GPD1L: variants seen among roughly 807,000 people sequenced by gnomAD.
The protein encoded by GPD1L is glycerol-3-phosphate dehydrogenase 1 like.
Under a neutral mutation model 32.9 loss-of-function variants are expected in GPD1L, and 17 were observed. The observed-to-expected ratio is 0.52, with a 90% CI of 0.35 to 0.78. The LOEUF (loss-of-function observed/expected upper bound fraction) is 0.78. GPD1L is among the 30% of genes least tolerant of loss of function. The pLI is 0.01. For missense variants in GPD1L, 361 were observed against 447.8 expected, an observed-to-expected ratio of 0.81 and a Z score of 1.75; for synonymous variants, 187 against 165.9, an observed-to-expected ratio of 1.13 and a Z score of -0.98.
chr3:32,139,446 CA>C lies in GPD1L; in HGVS notation c.366+720del, dbSNP rs377058212. Among the ~76,000 whole-genome samples, 5 of 152,310 alleles carry C rather than the reference CA, an allele frequency of 3.3e-5. No homozygotes were observed. The East Asian group carries it at 7.7e-4, about 23-fold the overall frequency. On this transcript the variant is annotated intron_variant, in intron 3 of 7. Transcript: ENST00000282541. ...TAAAACAGTGCATATATTACTTTAT[CA>C]TAAATTTGTTTTTTAAACAAATTTC...
In GPD1L at chr3:32,128,111, T is replaced by G. The variant is rs757329052; in HGVS notation, c.83T>G (p.Val28Gly). 1 of 1,613,300 alleles carries G rather than the reference T, an allele frequency of 6.2e-7. No homozygotes were observed. The highest frequency in any genetic ancestry group is 8.5e-7 in the Non-Finnish European group (1 of 1,179,220). Residue 28 changes from valine (V) to glycine (G), a missense_variant, in exon 2 of 8, where the codon GTC (valine) becomes GGC (glycine). Transcript: ENST00000282541. ...GTTGCAAAAATAATTGGTAATAATG[T>G]CAAGAAACTTCAGAAATTTGCCTCC... ...SAVAKIIGNN[V>G]KKLQKFASTV...
chr3:32,138,486 C>T, intron 2 of GPD1L, 101 bp from the exon 3 acceptor site: 1 of 1,071,424 alleles, frequency 9.3e-7, no homozygotes, highest in Non-Finnish European at 1.4e-6. Context: ...CAATGCTCTG[C>T]ACATAGTAGG....
chr3:32,144,163 C>T (rs1392239070), intron 4 of GPD1L, among the ~76,000 whole-genome samples: 1 of 152,108 alleles, frequency 6.6e-6, no homozygotes, highest in Non-Finnish European at 1.5e-5. Flanking sequence ...TGTGGTTATC[C>T]AGACATCCTT....
In GPD1L at chr3:32,151,592, G is replaced by A. The variant is rs1163978410; in HGVS notation, c.618+4858G>A. ...CCTCCTGGGCTCAAGTGATCCTCCC[G>A]CCTCAGCCTTCTGAGTAACTGGGAC... On this transcript the variant is annotated intron_variant, in intron 5 of 7. Coordinates refer to ENST00000282541, the MANE Select transcript of GPD1L (RefSeq NM_015141.4). The A allele has an allele frequency of 7.8e-5, 17 of 218,800 alleles. No individual in the cohort carries two copies. The South Asian group carries it at 1.0e-3, about 13-fold the overall frequency. 13.6% of individuals were successfully genotyped at this position (218,800 alleles called of 1,614,324 possible). A position where few individuals can be genotyped will look rare whatever the true frequency, so the allele number is the denominator to read the frequency against.
intron 1 of GPD1L, among the ~76,000 whole-genome samples, chr3:32,111,007 A>G (rs1027315100): frequency 2.0e-5 from 3 of 152,216 alleles, no homozygotes; most frequent in African/African-American, 7.2e-5. Flanking sequence ...CTGGGATTAC[A>G]GGTGGGCACC....
chr3:32,165,680 G>T (rs1463050162), intron 7 of GPD1L, 134 bp from the exon 8 acceptor site: 1 of 706,100 alleles, frequency 1.4e-6, no homozygotes, highest in African/African-American at 1.8e-5. Context: ...AATAATAAAG[G>T]AATGTAGAAA....
At chr3:32,142,152 C>T (rs1271086319) in intron 4 of GPD1L, among the ~76,000 whole-genome samples, 2 of 151,824 alleles carry the variant, frequency 1.3e-5, no homozygotes, top group South Asian at 2.1e-4. Flanking sequence ...TGGAGTCTCA[C>T]CCTGTCGCCA....
intron 4 of GPD1L, among the ~76,000 whole-genome samples, chr3:32,143,886 A>G (rs1409374521): frequency 1.3e-5 from 2 of 152,054 alleles, no homozygotes; most frequent in Non-Finnish European, 2.9e-5. Flanking sequence ...AGAGCCTGAG[A>G]TGAGAGGATT....
In GPD1L at chr3:32,143,348, G is replaced by A. The variant is rs181659083; in HGVS notation, c.505+2982G>A. ...TCATGGGATCCTCCTGCCTCAGCCT[G>A]CTGATGTACCGGGATTACAGGTGCG... On this transcript the variant is annotated intron_variant, in intron 4 of 7. Coordinates refer to ENST00000282541, the MANE Select transcript of GPD1L (RefSeq NM_015141.4). Among the ~76,000 whole-genome samples the A allele has an allele frequency of 1.1e-4, 17 of 152,270 alleles. No individual in the cohort carries two copies. In the East Asian group the frequency reaches 3.1e-3, roughly 28 times the overall value.
At chr3:32,124,207 A>T (rs1700470892) in intron 1 of GPD1L, among the ~76,000 whole-genome samples, 1 of 152,148 alleles carries the variant, frequency 6.6e-6, no homozygotes, top group Non-Finnish European at 1.5e-5. Flanking sequence ...CTGGGACTAC[A>T]GGCGCACGCC....
chr3:32,159,816 T>C (rs889298233), intron 7 of GPD1L, 142 bp downstream of exon 7: 2 of 695,930 alleles, frequency 2.9e-6, no homozygotes, highest in East Asian at 2.7e-5. Flanking sequence ...TTGTGTGATG[T>C]GAACGTCTGT....
chr3:32,162,795 C>CT (rs1442300759), intron 7 of GPD1L, among the ~76,000 whole-genome samples: 6 of 152,158 alleles, frequency 3.9e-5, no homozygotes, highest in African/African-American at 1.4e-4. Context: ...GGGTCTCACT[C>CT]TGTCACCCAG....
chr3:32,122,289 G>T (rs1046191454), intron 1 of GPD1L, among the ~76,000 whole-genome samples: 1 of 152,172 alleles, frequency 6.6e-6, no homozygotes, highest in Non-Finnish European at 1.5e-5. Flanking sequence ...AGGCTTTGGA[G>T]ACACTCAGAT....
chr3:32,159,763 T>G, intron 7 of GPD1L, 89 bp downstream of exon 7: 3 of 817,968 alleles, frequency 3.7e-6, no homozygotes, highest in Non-Finnish European at 6.4e-6. Context: ...AGCTAGACTA[T>G]TTGACAAGTG....
At chr3:32,164,978 G>T (rs1044284140) in intron 7 of GPD1L, among the ~76,000 whole-genome samples, 21 of 152,236 alleles carry the variant, frequency 1.4e-4, no homozygotes, top group Non-Finnish European at 2.9e-4. Flanking sequence ...GGCCGAGGTG[G>T]GTGGATCATG....
At chr3:32,113,317 CTAACTTTTACCT>C (rs1352477827) in intron 1 of GPD1L, among the ~76,000 whole-genome samples, 33 of 152,228 alleles carry the variant, frequency 2.2e-4, no homozygotes, top group African/African-American at 7.2e-4. Context: ...TCTATCACCT[CTAACTTTTACCT>C]GTTAATCCCA....
intron 7 of GPD1L, among the ~76,000 whole-genome samples, chr3:32,163,639 C>G (rs1701104627): frequency 6.6e-6 from 1 of 152,048 alleles, no homozygotes; most frequent in African/African-American, 2.4e-5. Flanking sequence ...GCTTCAGAGT[C>G]CAAAACTGTG....
intron 1 of GPD1L, among the ~76,000 whole-genome samples, chr3:32,108,943 G>A (rs1189070578): frequency 1.3e-5 from 2 of 152,154 alleles, no homozygotes; most frequent in African/African-American, 2.4e-5. Flanking sequence ...TCCGCTTCCT[G>A]GGTTCATGCC....
chr3:32,117,233 C>T (rs1308233389), intron 1 of GPD1L, among the ~76,000 whole-genome samples: 2 of 152,138 alleles, frequency 1.3e-5, no homozygotes, highest in Non-Finnish European at 2.9e-5. Flanking sequence ...GATGGATATT[C>T]TAAGAGTTCT....
Sources: gnomAD v4.1 joint callset for allele counts (sites outside exome capture counted in the v4.1 genomes callset) on GRCh38, gnomAD v4.1.1 for gene constraint, MANE v1.5 for transcripts, NCBI Gene and HGNC (gene_info 2026-07-23, HGNC 2026-07-21) for gene names.